The following CDIN1 variants were observed in gnomAD, a reference collection of about 807,000 sequenced individuals.
CDIN1 encodes CDAN1 interacting nuclease 1.
A neutral mutation model predicts 45.3 loss-of-function variants in CDIN1; 33 were observed. The observed-to-expected ratio is 0.73, with a 90% confidence interval of 0.55 to 0.97. CDIN1 has a LOEUF of 0.97. Ranked by LOEUF, CDIN1 falls within the 50% of genes least tolerant of loss-of-function variation. The pLI, the probability that CDIN1 is intolerant of heterozygous loss-of-function variation, is 0.00. For synonymous variants in CDIN1, 118 were observed against 124.4 expected (o/e 0.95, Z 0.34); for missense variants, 303 against 339.4 (o/e 0.89, Z 0.84).
chr15:36,792,028 A>G (rs1046821257), intron 10 of CDIN1, among the ~76,000 whole-genome samples: 3 of 152,202 alleles, frequency 2.0e-5, no homozygotes, highest in African/African-American at 7.2e-5. Context: ...ACCTCAGTCT[A>G]ACCTCATGCA....
At chr15:36,669,798 G>C (rs190306130) in intron 5 of CDIN1, among the ~76,000 whole-genome samples, 32 of 152,148 alleles carry the variant, frequency 2.1e-4, no homozygotes, top group Admixed American at 1.7e-3. Context: ...TCATAGATTT[G>C]GGGAAGAATA....
At chr15:36,634,875 A>G (rs921129597) in intron 1 of CDIN1, among the ~76,000 whole-genome samples, 3 of 151,986 alleles carry the variant, frequency 2.0e-5, no homozygotes, top group African/African-American at 7.3e-5. Context: ...TTTTTCCATC[A>G]CTTCCTCTTT....
intron 10 of CDIN1, among the ~76,000 whole-genome samples, chr15:36,756,604 T>C (rs1400934743): frequency 6.6e-6 from 1 of 152,116 alleles, no homozygotes; most frequent in Non-Finnish European, 1.5e-5. Flanking sequence ...TTTAAAAAAA[T>C]AAATAAAATA....
At chr15:36,591,599 G>C (rs185570562) in intron 1 of CDIN1, among the ~76,000 whole-genome samples, 32 of 152,300 alleles carry the variant, frequency 2.1e-4, no homozygotes, top group Admixed American at 1.8e-3. Flanking sequence ...AACATGTTCA[G>C]TTTTTTATTT....
chr15:36,645,709 T>C (rs2040299194), intron 3 of CDIN1, among the ~76,000 whole-genome samples: 1 of 152,118 alleles, frequency 6.6e-6, no homozygotes, highest in Non-Finnish European at 1.5e-5. Context: ...AAAAAGAAGA[T>C]TGAATTTGGA....
chr15:36,722,303 ATCTCTC>A (rs5811928), intron 10 of CDIN1, among the ~76,000 whole-genome samples: 65 of 140,770 alleles, frequency 4.6e-4, no homozygotes, highest in African/African-American at 6.9e-4. Flanking sequence ...TTCTTTTGAG[ATCTCTC>A]TCTCTCTCTC....
At chr15:36,703,808 A>C (rs116658197) in intron 8 of CDIN1, among the ~76,000 whole-genome samples, 7 of 152,118 alleles carry the variant, frequency 4.6e-5, no homozygotes, top group African/African-American at 1.7e-4. Context: ...TCGGCGACAC[A>C]TGGAGCTGGC....
chr15:36,583,789 G>C (rs549598871), intron 1 of CDIN1, among the ~76,000 whole-genome samples: 291 of 152,278 alleles, frequency 1.9e-3, no homozygotes, highest in African/African-American at 5.8e-3. Flanking sequence ...GGCTGAGGCG[G>C]GCAGATCACG....
intron 8 of CDIN1, among the ~76,000 whole-genome samples, chr15:36,702,490 C>G (rs1055020459): frequency 6.6e-6 from 1 of 151,760 alleles, no homozygotes; most frequent in Non-Finnish European, 1.5e-5. Flanking sequence ...TGACCACTTA[C>G]GATGGTGTGC....
chr15:36,691,752 T>G lies in CDIN1; in HGVS notation c.414T>G (p.Asn138Lys), dbSNP rs1461119248. 2 of 1,593,490 alleles carry G rather than the reference T, an allele frequency of 1.3e-6. No individual in the cohort carries two copies. Among genetic ancestry groups the G allele is most frequent in the Admixed American group, 1.7e-5 (1 of 58,304 alleles). ...PSQIPDGVLANQVYQCIVNDC... is the reference protein window; with the variant it reads ...PSQIPDGVLAKQVYQCIVNDC... ...AGATTCCAGATGGAGTTCTAGCAAATCAGGTCTATCAGGTATTAATCACAG... is the reference window on the plus strand; with the variant it reads ...AGATTCCAGATGGAGTTCTAGCAAAGCAGGTCTATCAGGTATTAATCACAG... Residue 138 changes from asparagine (N) to lysine (K), a missense_variant, in exon 6 of 11, where the codon AAT becomes AAG. Physicochemically the swap from Asn to Lys is moderately conservative, Grantham distance 94. Coordinates refer to ENST00000566621, the MANE Select transcript of CDIN1 (RefSeq NM_001321759.2).
At chr15:36,604,930 C>T (rs1411210200) in intron 1 of CDIN1, among the ~76,000 whole-genome samples, 3 of 152,180 alleles carry the variant, frequency 2.0e-5, no homozygotes, top group African/African-American at 2.4e-5. Flanking sequence ...CTAAGATTCA[C>T]ATGGTTTAAA....
chr15:36,759,832 C>G (rs765153131), intron 10 of CDIN1, among the ~76,000 whole-genome samples: 1 of 152,096 alleles, frequency 6.6e-6, no homozygotes, highest in Non-Finnish European at 1.5e-5. Context: ...CGGGGAAGTG[C>G]TACACATTTT....
At chr15:36,663,053 T>C (rs1331879082) in intron 5 of CDIN1, among the ~76,000 whole-genome samples, 1 of 151,976 alleles carries the variant, frequency 6.6e-6, no homozygotes, top group Non-Finnish European at 1.5e-5. Flanking sequence ...GGTAAAAACA[T>C]CTCTTTGAAA....
chr15:36,591,259 C>T (rs12901403), intron 1 of CDIN1, among the ~76,000 whole-genome samples: 88,193 of 152,038 alleles, frequency 0.58, 25,870 homozygotes, highest in Middle Eastern at 0.68. Flanking sequence ...CTGTCTACAG[C>T]TCTCTCAAGC....
At position 36,809,381 on chromosome 15, in the gene CDIN1, C is replaced by G. The variant is rs904506705; in HGVS notation, c.*928C>G. 6.6e-6 allele frequency: 1 copy of G among 152,648 alleles called. No individual in the cohort carries two copies. The highest frequency in any genetic ancestry group is 1.5e-5 in the Non-Finnish European group (1 of 68,448). The allele number at this position is 152,648 out of a possible 1,614,324, so 9.5% of individuals were successfully genotyped here. A position where few individuals can be genotyped will look rare whatever the true frequency, so the allele number is the denominator to read the frequency against. Reference sequence around the variant, plus strand: ...TTATACCATGTAATTATAAAACACTCGAGTAAGTTCAGCATTAGAAATGTT... The same window carrying G: ...TTATACCATGTAATTATAAAACACTGGAGTAAGTTCAGCATTAGAAATGTT... On this transcript the variant is annotated 3_prime_UTR_variant, in exon 11 of 11. Transcript: ENST00000566621.
At chr15:36,751,231 A>ATATATATT (rs1343309223) in intron 10 of CDIN1, among the ~76,000 whole-genome samples, 3 of 58,436 alleles carry the variant, frequency 5.1e-5, no homozygotes, top group African/African-American at 2.1e-4. Context: ...TGCTTATTTT[A>ATATATATT]TATATATATA....
chr15:36,726,990 A>G (rs2043654369), intron 10 of CDIN1, among the ~76,000 whole-genome samples: 1 of 152,188 alleles, frequency 6.6e-6, no homozygotes, highest in African/African-American at 2.4e-5. Flanking sequence ...GAAAGCACAG[A>G]ACAAAGTTCT....
At chr15:36,798,889 C>T (rs191038998) in intron 10 of CDIN1, 1 of 152,294 alleles carries the variant, frequency 6.6e-6, no homozygotes, top group Admixed American at 6.5e-5. Flanking sequence ...GAAATCACCT[C>T]AAAATTCATC....
chr15:36,681,074 A>G (rs992021317), intron 5 of CDIN1, among the ~76,000 whole-genome samples: 7 of 152,166 alleles, frequency 4.6e-5, no homozygotes, highest in South Asian at 2.1e-4. Flanking sequence ...ACCATGAACT[A>G]GAGATAAGGA....
Sources: gnomAD v4.1 joint callset for allele counts (sites outside exome capture counted in the v4.1 genomes callset) on GRCh38, gnomAD v4.1.1 for gene constraint, MANE v1.5 for transcripts, NCBI Gene and HGNC (gene_info 2026-07-23, HGNC 2026-07-21) for gene names.